The following YTHDC2 variants were observed in gnomAD, a reference collection of about 807,000 sequenced individuals.
YTHDC2 encodes the protein YTH N6-methyladenosine RNA binding protein C2, also known as 3'-5' RNA helicase YTHDC2.
In YTHDC2, 45 loss-of-function variants were observed where a neutral mutation model predicts 174.9. The observed-to-expected ratio is 0.26, with a 90% CI of 0.20 to 0.33. YTHDC2 has a LOEUF of 0.33. YTHDC2 is among the 10% of genes least tolerant of loss of function. The probability of loss-of-function intolerance (pLI) is 1.00; values close to 1 mark genes in which losing one functional copy is unlikely to be tolerated. For synonymous variants in YTHDC2, 657 were observed against 574.5 expected (o/e 1.14, Z -2.05); for missense variants, 1,650 against 1,723.7 (o/e 0.96, Z 0.76).
At chr5:113,536,349 C>T (rs1241868588) in intron 7 of YTHDC2, among the ~76,000 whole-genome samples, 1 of 152,132 alleles carries the variant, frequency 6.6e-6, no homozygotes, top group East Asian at 1.9e-4. Flanking sequence ...CACAGTGAAA[C>T]CCTGTCTCTA....
intron 12 of YTHDC2, among the ~76,000 whole-genome samples, 182 bp from the exon 13 acceptor site, chr5:113,552,999 A>G (rs539714629): frequency 1.3e-5 from 2 of 152,190 alleles, no homozygotes; most frequent in South Asian, 4.1e-4. Flanking sequence ...TTCTAAAAGC[A>G]TTCATTGCCA....
At chr5:113,540,423 T>C (rs1187902355) in intron 8 of YTHDC2, among the ~76,000 whole-genome samples, 1 of 152,184 alleles carries the variant, frequency 6.6e-6, no homozygotes, top group Non-Finnish European at 1.5e-5. Flanking sequence ...CACACTGCTG[T>C]AAAGATACTA....
At chr5:113,518,556 C>CGTGTGTGT (rs67062871) in intron 2 of YTHDC2, among the ~76,000 whole-genome samples, 6 of 144,466 alleles carry the variant, frequency 4.2e-5, no homozygotes, top group South Asian at 2.3e-4. Flanking sequence ...AGTTAGTTTT[C>CGTGTGTGT]GTGTGTGTGT....
chr5:113,570,774 C>T (rs1013602243), intron 23 of YTHDC2, among the ~76,000 whole-genome samples: 16 of 152,056 alleles, frequency 1.1e-4, no homozygotes, highest in South Asian at 4.1e-4. Flanking sequence ...CCTCAGCCTC[C>T]GGAGTAGCTG....
rs1399644437 is a variant in YTHDC2 at position 113,581,427 on chromosome 5, T to C, written c.3365T>C (p.Leu1122Ser). ...TTTGAACTATTACAGGCAGCTAGTT[T>C]ATTGCTGCAGCTCAGACAGAAGTGG... ...HFTLEPEAAS[L>S]LLQLRQKWHS... The change falls in exon 25 of 30, where the codon TTA becomes TCA. Residue 1122 changes from leucine (L) to serine (S), a missense_variant. Leu to Ser is a moderately radical substitution (Grantham distance 145, BLOSUM62 -2). This residue lies in a region of YTHDC2 where 913 missense variants were observed against 940.4 expected (regional missense o/e 0.97). Transcript: ENST00000161863. 6.2e-7 allele frequency: 1 copy of C among 1,602,776 alleles called. No individual in the cohort carries two copies. The highest frequency in any genetic ancestry group is 8.5e-7 in the Non-Finnish European group (1 of 1,175,400).
chr5:113,513,717 A>C lies in YTHDC2; in HGVS notation c.-179A>C. On this transcript the variant is annotated 5_prime_UTR_variant, in exon 1 of 30. Coordinates refer to ENST00000161863, the MANE Select transcript of YTHDC2 (RefSeq NM_022828.5). Reference sequence around the variant, plus strand: ...GCGCTCCTCGCCTGGCCGTGATATCAATGGCGCAGGCTTCACTTCTGCTGT... The same window carrying C: ...GCGCTCCTCGCCTGGCCGTGATATCCATGGCGCAGGCTTCACTTCTGCTGT... 2 of 669,204 alleles carry C rather than the reference A, an allele frequency of 3.0e-6. No individual in the cohort carries two copies. Among genetic ancestry groups the C allele is most frequent in the Non-Finnish European group, 4.7e-6 (2 of 426,658 alleles). The allele number at this position is 669,204 out of a possible 1,614,324, so 41.5% of individuals were successfully genotyped here.
chr5:113,541,400 C>T (rs566271155), intron 9 of YTHDC2, among the ~76,000 whole-genome samples: 3 of 151,988 alleles, frequency 2.0e-5, no homozygotes, highest in Admixed American at 6.6e-5. Context: ...ACTGTGTTAG[C>T]CAGGGTGGTC....
rs557421752 is a variant in YTHDC2, at chr5:113,569,118, T to C, written c.3244+1269T>C. Reference sequence around the variant, plus strand: ...AATGATCAGTGACGTTGAGCTTTTTTTCATATGTTTGTTGGCCACATGTAC... The same window carrying C: ...AATGATCAGTGACGTTGAGCTTTTTCTCATATGTTTGTTGGCCACATGTAC... On this transcript the variant is annotated intron_variant, in intron 23 of 29. Coordinates refer to ENST00000161863, the MANE Select transcript of YTHDC2 (RefSeq NM_022828.5). Among the ~76,000 whole-genome samples, 85 of 152,362 alleles carry C rather than the reference T, an allele frequency of 5.6e-4. 1 individual carries two copies. The highest frequency in any genetic ancestry group is 3.4e-3 in the Middle Eastern group (1 of 294).
At chr5:113,527,935 C>A (rs1185752793) in intron 4 of YTHDC2, among the ~76,000 whole-genome samples, 1 of 152,100 alleles carries the variant, frequency 6.6e-6, no homozygotes, top group East Asian at 1.9e-4. Context: ...GGATTACAGG[C>A]ACCCGCCACC....
intron 26 of YTHDC2, among the ~76,000 whole-genome samples, chr5:113,589,552 C>A (rs1385934235): frequency 1.3e-5 from 2 of 150,958 alleles, no homozygotes; most frequent in Admixed American, 6.6e-5. Flanking sequence ...CATAGGAAGA[C>A]CCTATCATCT....
At chr5:113,570,986 G>A (rs1352656913) in intron 23 of YTHDC2, among the ~76,000 whole-genome samples, 1 of 152,138 alleles carries the variant, frequency 6.6e-6, no homozygotes, top group African/African-American at 2.4e-5. Context: ...TCTCTGGCCT[G>A]ATTTCCTTGG....
chr5:113,575,246 T>G (rs1282051619), intron 23 of YTHDC2, among the ~76,000 whole-genome samples: 1 of 152,232 alleles, frequency 6.6e-6, no homozygotes. Context: ...CTTGATGATT[T>G]CAAATTATTT....
chr5:113,577,130 C>G (rs1778106925), intron 23 of YTHDC2, among the ~76,000 whole-genome samples: 1 of 152,040 alleles, frequency 6.6e-6, no homozygotes, highest in African/African-American at 2.4e-5. Context: ...AATTTGGTAT[C>G]TTTAACCTTT....
chr5:113,567,541 A>G (rs983656814), intron 22 of YTHDC2, 113 bp from the exon 23 acceptor site: 1 of 910,758 alleles, frequency 1.1e-6, no homozygotes, highest in Non-Finnish European at 1.6e-6. Flanking sequence ...ATTTTTGCTT[A>G]CGTACTAATA....
chr5:113,518,806 C>G (rs1773664030), intron 2 of YTHDC2, among the ~76,000 whole-genome samples: 1 of 151,922 alleles, frequency 6.6e-6, no homozygotes, highest in Admixed American at 6.6e-5. Context: ...CTTTTTGATA[C>G]TCTTTCTTTC....
chr5:113,572,539 T>C (rs1777796032), intron 23 of YTHDC2, among the ~76,000 whole-genome samples: 1 of 152,232 alleles, frequency 6.6e-6, no homozygotes, highest in Non-Finnish European at 1.5e-5. Flanking sequence ...TCTGTCTTGA[T>C]GATCTGTCTA....
At position 113,526,672 on chromosome 5, in the gene YTHDC2, T is replaced by A; in HGVS notation, c.562T>A (p.Ser188Thr). 6.2e-7 allele frequency: 1 copy of A among 1,606,720 alleles called. No homozygotes were observed. The highest frequency in any genetic ancestry group is 8.5e-7 in the Non-Finnish European group (1 of 1,175,988). The change falls in exon 4 of 30, where the codon TCT (serine) becomes ACT (threonine). Residue 188 changes from serine (S) to threonine (T), a missense_variant. This residue lies in a region of YTHDC2 where 304 missense variants were observed against 341.4 expected (regional missense o/e 0.89). Coordinates refer to ENST00000161863, the MANE Select transcript of YTHDC2 (RefSeq NM_022828.5). ...GAAAAGAGGAGAATCCGAATTTGATTCTTTTAGGCAGTCTTTACCAGTGTT... is the reference window on the plus strand; with the variant it reads ...GAAAAGAGGAGAATCCGAATTTGATACTTTTAGGCAGTCTTTACCAGTGTT... ...PVKRGESEFD[S>T]FRQSLPVFEK...
At chr5:113,588,917 G>A (rs895028737) in intron 26 of YTHDC2, among the ~76,000 whole-genome samples, 6 of 151,962 alleles carry the variant, frequency 3.9e-5, no homozygotes, top group Non-Finnish European at 7.4e-5. Context: ...GAGCCACCAT[G>A]CCTGGCCAAC....
intron 17 of YTHDC2, among the ~76,000 whole-genome samples, chr5:113,558,118 A>G (rs1430874466): frequency 1.3e-5 from 2 of 152,258 alleles, no homozygotes; most frequent in African/African-American, 4.8e-5. Flanking sequence ...GAGGGAAAGT[A>G]TAACCAGGTA....
Sources: allele counts gnomAD v4.1 joint callset (sites outside exome capture counted in the v4.1 genomes callset), GRCh38; gene constraint gnomAD v4.1.1; regional missense constraint gnomAD v4.1.1; transcripts MANE v1.5; gene names NCBI Gene and HGNC (gene_info 2026-07-23, HGNC 2026-07-21).